The following ATG4A variants were observed in gnomAD, a reference collection of about 807,000 sequenced individuals.
The protein encoded by ATG4A is autophagy related 4A cysteine peptidase, also known as cysteine protease ATG4A.
A neutral mutation model predicts 38.4 loss-of-function variants in ATG4A; 22 were observed. The observed-to-expected ratio is 0.57, with a 90% CI of 0.41 to 0.82. The LOEUF (loss-of-function observed/expected upper bound fraction) is 0.82, where lower values mean the gene tolerates loss of function less well. ATG4A is among the 40% of genes least tolerant of loss of function. The pLI is 0.00. For missense variants in ATG4A, 220 were observed against 290.0 expected, an observed-to-expected ratio of 0.76 and a Z score of 1.75; for synonymous variants, 86 against 100.7, an observed-to-expected ratio of 0.85 and a Z score of 0.88.
At position 108,153,892 on chromosome X, in the gene ATG4A, G is replaced by T. The variant is rs1336767959; in HGVS notation, c.*180G>T. ...AAAAACAAAACAAAACAAAACAAAT[G>T]ACAGTAACCCTTCCCCGGAAAGAAA... On this transcript the variant is annotated 3_prime_UTR_variant, in exon 13 of 13. Coordinates refer to ENST00000372232, the MANE Select transcript of ATG4A (RefSeq NM_052936.5). The T allele has an allele frequency of 1.3e-5, 5 of 390,740 alleles. No individual in the cohort carries two copies. In the East Asian group the frequency reaches 2.1e-4, roughly 17 times the overall value. 32.2% of individuals were successfully genotyped at this position (390,740 alleles called of 1,213,427 possible).
intron 3 of ATG4A, among the ~76,000 whole-genome samples, chrX:108,130,377 G>T (rs1166761304): frequency 8.9e-6 from 1 of 112,212 alleles, no homozygotes; most frequent in East Asian, 2.8e-4. Flanking sequence ...TTGGCCCCTT[G>T]GAAAAGGATA....
chrX:108,124,576 C>T (rs1401408111), intron 1 of ATG4A, among the ~76,000 whole-genome samples: 1 of 110,210 alleles, frequency 9.1e-6, no homozygotes, highest in Non-Finnish European at 1.9e-5. Flanking sequence ...TTCAGCCTCC[C>T]GAGTAGCTGG....
chrX:108,135,893 C>G lies in ATG4A; in HGVS notation c.468-1198C>G, dbSNP rs568126129. Among the ~76,000 whole-genome samples, 10 of 109,377 alleles carry G rather than the reference C, an allele frequency of 9.1e-5. No homozygotes were observed. In the South Asian group the frequency reaches 3.3e-3, roughly 36 times the overall value. 95.0% of individuals were successfully genotyped at this position (109,377 alleles called of 115,157 possible). On this transcript the variant is annotated intron_variant, in intron 6 of 12. Coordinates refer to ENST00000372232, the MANE Select transcript of ATG4A (RefSeq NM_052936.5). ...TCCACCTCCCAGGGTCAAGCATTCT[C>G]CTGTCTCAGCCTCCCGAGTAGCTGG...
intron 1 of ATG4A, among the ~76,000 whole-genome samples, chrX:108,117,185 C>A (rs1232275500): frequency 9.1e-6 from 1 of 110,210 alleles, no homozygotes. Context: ...CTGTACCCAT[C>A]CATTCAACAA....
intron 1 of ATG4A, among the ~76,000 whole-genome samples, chrX:108,106,776 TA>T (rs1284608775): frequency 9.8e-5 from 11 of 112,469 alleles, no homozygotes; most frequent in African/African-American, 3.5e-4. Context: ...TTTTCTTCTA[TA>T]AGTAAGGTAT....
intron 1 of ATG4A, among the ~76,000 whole-genome samples, chrX:108,120,257 C>T (rs190103689): frequency 1.8e-5 from 2 of 112,412 alleles, no homozygotes; most frequent in East Asian, 5.6e-4. Flanking sequence ...TGAGCAGCAC[C>T]TTGTTATCAC....
intron 6 of ATG4A, among the ~76,000 whole-genome samples, chrX:108,134,849 C>A (rs1335586710): frequency 8.9e-6 from 1 of 111,905 alleles, no homozygotes; most frequent in Non-Finnish European, 1.9e-5. Context: ...TTCTGTGTAC[C>A]TTTACTGTGC....
intron 1 of ATG4A, among the ~76,000 whole-genome samples, chrX:108,092,645 C>CT (rs1362129696): frequency 1.8e-5 from 2 of 112,393 alleles, no homozygotes; most frequent in African/African-American, 6.5e-5. Context: ...TTTGTTGGTA[C>CT]TTTTATGACA....
At chrX:108,095,768 T>C (rs746057379) in intron 1 of ATG4A, among the ~76,000 whole-genome samples, 1 of 106,401 alleles carries the variant, frequency 9.4e-6, no homozygotes, top group African/African-American at 3.4e-5. Context: ...TGAAGTGCAG[T>C]GGCATGATCT....
Position 108,141,058 on chromosome X carries a change from GTGTATATATATACATATATATATATA to G in ATG4A, c.814+2869_814+2894del, listed in dbSNP as rs1238228653. On this transcript the variant is annotated intron_variant, in intron 9 of 12. Coordinates refer to ENST00000372232, the MANE Select transcript of ATG4A (RefSeq NM_052936.5). Reference sequence around the variant, plus strand: ...TATATACATATATATACATATATACGTGTATATATATACATATATATATATATATATATATATATATATATATATAT... The same window carrying G: ...TATATACATATATATACATATATACGTATATATATATATATATATATATAT... 4.4e-3 allele frequency among the ~76,000 whole-genome samples: 135 copies of G among 30,458 alleles called. 2 individuals are homozygous for G. Among genetic ancestry groups the G allele is most frequent in the Non-Finnish European group, 7.0e-3 (116 of 16,544 alleles). The allele number at this position is 30,458 out of a possible 115,157, so 26.4% of individuals were successfully genotyped here.
intron 3 of ATG4A, among the ~76,000 whole-genome samples, chrX:108,130,799 C>G (rs1406132906): frequency 8.9e-6 from 1 of 111,821 alleles, no homozygotes; most frequent in Non-Finnish European, 1.9e-5. Context: ...TTCCAAATCT[C>G]TTTGACCATT....
chrX:108,140,710 A>G (rs2033219041), intron 9 of ATG4A, among the ~76,000 whole-genome samples: 1 of 101,784 alleles, frequency 9.8e-6, no homozygotes, highest in Non-Finnish European at 1.9e-5. Context: ...TATATAAAAT[A>G]CATTGTATAT....
At chrX:108,148,516 A>G (rs1018209181) in intron 9 of ATG4A, among the ~76,000 whole-genome samples, 8 of 69,082 alleles carry the variant, frequency 1.2e-4, no homozygotes, top group Non-Finnish European at 2.2e-4. Context: ...CTCCATGCAC[A>G]TACACACACA....
intron 1 of ATG4A, among the ~76,000 whole-genome samples, chrX:108,110,786 G>A (rs2032335165): frequency 8.9e-6 from 1 of 112,599 alleles, no homozygotes; most frequent in Non-Finnish European, 1.9e-5. Context: ...TGTTGAATGT[G>A]CGTATTGCTT....
At chrX:108,130,596 T>C (rs2032928699) in intron 3 of ATG4A, among the ~76,000 whole-genome samples, 1 of 112,480 alleles carries the variant, frequency 8.9e-6, no homozygotes, top group Non-Finnish European at 1.9e-5. Flanking sequence ...TTCACAGATA[T>C]TCTCTCAGTT....
At chrX:108,117,506 A>G (rs756216217) in intron 1 of ATG4A, among the ~76,000 whole-genome samples, 2 of 111,986 alleles carry the variant, frequency 1.8e-5, no homozygotes, top group South Asian at 7.5e-4. Flanking sequence ...ATGAGCAAAG[A>G]TAGAATCTCC....
rs1290157746 is a variant in ATG4A at position 108,153,705 on chromosome X, G to A, written c.1190G>A (p.Ser397Asn). ...CTGGAGGAAGATTTTGAGATTCTGA[G>A]TGTGTAGAATCCTGGGAACTCAACT... Reference protein sequence around the residue: ...FDLEEDFEILSV With the variant: ...FDLEEDFEILNV The change falls in exon 13 of 13, where the codon AGT becomes AAT. Residue 397 changes from serine (S) to asparagine (N), a missense_variant. By Grantham distance (46) the Ser-to-Asn change is conservative (BLOSUM62 1). Around this residue, in one of 3 missense-constraint regions of ATG4A, gnomAD observed 159 missense variants for 188.9 expected, o/e 0.84. Transcript: ENST00000372232. The A allele has an allele frequency of 1.7e-6, 2 of 1,202,106 alleles. No homozygotes were observed. The highest frequency in any genetic ancestry group is 2.3e-6 in the Non-Finnish European group (2 of 888,385).
intron 1 of ATG4A, among the ~76,000 whole-genome samples, chrX:108,123,525 A>G (rs912063762): frequency 1.8e-5 from 2 of 111,508 alleles, no homozygotes; most frequent in African/African-American, 6.5e-5. Context: ...TAATCTTCCC[A>G]TCTCACTGCT....
chrX:108,115,819 A>G (rs1289722531), intron 1 of ATG4A, among the ~76,000 whole-genome samples: 1 of 112,589 alleles, frequency 8.9e-6, no homozygotes, highest in East Asian at 2.8e-4. Flanking sequence ...AAAAGTCTTA[A>G]TGAAGGAACT....
Sources: allele counts gnomAD v4.1 joint callset (sites outside exome capture counted in the v4.1 genomes callset), GRCh38; gene constraint gnomAD v4.1.1; regional missense constraint gnomAD v4.1.1; transcripts MANE v1.5; gene names NCBI Gene and HGNC (gene_info 2026-07-23, HGNC 2026-07-21).